ADAMTSL1: variants seen among roughly 807,000 people sequenced by gnomAD.
ADAMTSL1 encodes the protein ADAMTS-like protein 1.
A neutral mutation model predicts 201.8 loss-of-function variants in ADAMTSL1; 126 were observed. The observed-to-expected ratio is 0.62, with a 90% CI of 0.54 to 0.72. The LOEUF is 0.72. Ranked by LOEUF, ADAMTSL1 falls within the 30% of genes least tolerant of loss-of-function variation. The pLI, the probability that ADAMTSL1 is intolerant of heterozygous loss-of-function variation, is 0.00. For missense variants in ADAMTSL1, 2,679 were observed against 2,277.8 expected, an observed-to-expected ratio of 1.18 and a Z score of -3.59; for synonymous variants, 1,121 against 903.4, an observed-to-expected ratio of 1.24 and a Z score of -4.32.
chr9:17,960,660 A>T (rs1413927832), intron 1 of ADAMTSL1, among the ~76,000 whole-genome samples: 3 of 152,198 alleles, frequency 2.0e-5, no homozygotes, highest in Non-Finnish European at 2.9e-5. Flanking sequence ...CTTAATGTCT[A>T]ATAGCCCAGT....
At chr9:18,032,186 A>T (rs1820988076) in intron 1 of ADAMTSL1, among the ~76,000 whole-genome samples, 1 of 152,140 alleles carries the variant, frequency 6.6e-6, no homozygotes, top group Admixed American at 6.5e-5. Context: ...CAGTCTTGCA[A>T]AGGGAGGGAT....
chr9:18,036,756 T>C (rs933616193), intron 1 of ADAMTSL1, among the ~76,000 whole-genome samples: 4 of 152,190 alleles, frequency 2.6e-5, no homozygotes, highest in Admixed American at 1.3e-4. Context: ...TCTCCTGCTT[T>C]CAGTATATAG....
chr9:18,266,148 C>T (rs1209352325), intron 2 of ADAMTSL1, among the ~76,000 whole-genome samples: 1 of 152,246 alleles, frequency 6.6e-6, no homozygotes, highest in Non-Finnish European at 1.5e-5. Flanking sequence ...GCAGGCGCCA[C>T]TGCTGCTCCA....
In ADAMTSL1 at chr9:18,454,755, A is replaced by C. The variant is rs531919819; in HGVS notation, c.208-50074A>C. 2.1e-3 allele frequency among the ~76,000 whole-genome samples: 317 copies of C among 152,278 alleles called. 1 individual carries two copies. Among genetic ancestry groups the C allele is most frequent in the African/African-American group, 7.3e-3 (302 of 41,544 alleles). On this transcript the variant is annotated intron_variant, in intron 2 of 29. Transcript: ENST00000680146. ...TGGAGCCGAGGCTAATGTGAATTTA[A>C]ATTTTTATTGTGTTTTGTAATATAA...
intron 6 of ADAMTSL1, among the ~76,000 whole-genome samples, chr9:18,638,386 T>C (rs1343138109): frequency 2.0e-5 from 3 of 152,118 alleles, no homozygotes; most frequent in Admixed American, 1.3e-4. Context: ...CCAAACGTTC[T>C]TGTCAAGTTT....
intron 2 of ADAMTSL1, among the ~76,000 whole-genome samples, chr9:18,223,979 T>A (rs2132373540): frequency 6.6e-6 from 1 of 152,174 alleles, no homozygotes; most frequent in East Asian, 1.9e-4. Flanking sequence ...AAGCCACAGA[T>A]GTTAGGAATA....
At chr9:17,975,568 A>G (rs1818412513) in intron 1 of ADAMTSL1, among the ~76,000 whole-genome samples, 1 of 151,992 alleles carries the variant, frequency 6.6e-6, no homozygotes, top group African/African-American at 2.4e-5. Context: ...AGGTTTCATC[A>G]TGTGGATTTG....
intron 1 of ADAMTSL1, among the ~76,000 whole-genome samples, chr9:18,092,346 A>G (rs1824060993): frequency 6.6e-6 from 1 of 152,178 alleles, no homozygotes; most frequent in Admixed American, 6.6e-5. Context: ...AGGAAGTGAC[A>G]TTTTTATTGG....
chr9:18,197,024 A>G (rs916732531), intron 2 of ADAMTSL1, among the ~76,000 whole-genome samples: 2 of 152,184 alleles, frequency 1.3e-5, no homozygotes, highest in African/African-American at 2.4e-5. Flanking sequence ...CTTTTAACAC[A>G]TCTGGCAACT....
At chr9:17,925,782 C>G (rs1275438794) in intron 1 of ADAMTSL1, among the ~76,000 whole-genome samples, 2 of 148,960 alleles carry the variant, frequency 1.3e-5, no homozygotes, top group African/African-American at 4.9e-5. Flanking sequence ...GTGCAGCGCA[C>G]CAGCATGGCG....
At chr9:18,514,997 A>G (rs898808527) in intron 2 of ADAMTSL1, among the ~76,000 whole-genome samples, 1 of 152,186 alleles carries the variant, frequency 6.6e-6, no homozygotes, top group Admixed American at 6.5e-5. Context: ...AAATTTTGCC[A>G]AATGATTTTT....
chr9:18,735,748 C>CT lies in ADAMTSL1; in HGVS notation c.2006+14103dup, dbSNP rs71333066. Among the ~76,000 whole-genome samples the CT allele has an allele frequency of 4.1e-3, 436 of 106,666 alleles. 7 individuals are homozygous for CT. The highest frequency in any genetic ancestry group is 0.023 in the East Asian group (95 of 4,116). The allele number at this position is 106,666 out of a possible 152,430, so 70.0% of individuals were successfully genotyped here. On this transcript the variant is annotated intron_variant, in intron 15 of 28. Coordinates refer to ENST00000380548, the MANE Select transcript of ADAMTSL1 (RefSeq NM_001040272.6). The stretch of plus-strand genomic sequence containing the variant: ...GAGAAGTCAGACGGCATTCTTTTTT[C>CT]TTTTTTTTTTTTTTTTTTTTGAGAC...
At chr9:18,606,130 C>T (rs1824996889) in intron 4 of ADAMTSL1, among the ~76,000 whole-genome samples, 1 of 152,110 alleles carries the variant, frequency 6.6e-6, no homozygotes, top group African/African-American at 2.4e-5. Flanking sequence ...TTTCCATTTG[C>T]TCCCTCTCCC....
intron 1 of ADAMTSL1, among the ~76,000 whole-genome samples, chr9:17,933,262 T>G (rs1027317324): frequency 6.6e-6 from 1 of 152,158 alleles, no homozygotes; most frequent in Admixed American, 6.6e-5. Flanking sequence ...ATCACTCCAC[T>G]CTCTGCTTCT....
At chr9:18,005,201 G>T (rs540923275) in intron 1 of ADAMTSL1, among the ~76,000 whole-genome samples, 1 of 152,016 alleles carries the variant, frequency 6.6e-6, no homozygotes, top group Admixed American at 6.6e-5. Flanking sequence ...AAGGAGAGAA[G>T]ATAGTGAGGC....
In ADAMTSL1 at chr9:18,840,579, A is replaced by C. The variant is rs556239227; in HGVS notation, c.4249+10602A>C. ...TTTTTCCAATTCTGTGAAGAAAGTC[A>C]TTGGTAGCTTGATGGGGATGGCATT... On this transcript the variant is annotated intron_variant, in intron 23 of 28. Transcript: ENST00000380548. Among the ~76,000 whole-genome samples, 833 of 152,284 alleles carry C rather than the reference A, an allele frequency of 5.5e-3. 13 individuals carry two copies. Among genetic ancestry groups the C allele is most frequent in the African/African-American group, 0.019 (785 of 41,556 alleles).
chr9:18,369,185 T>C (rs758435679), intron 2 of ADAMTSL1, among the ~76,000 whole-genome samples: 11 of 152,248 alleles, frequency 7.2e-5, no homozygotes, highest in Non-Finnish European at 1.2e-4. Flanking sequence ...TCACTAGATA[T>C]AGCATAGGCT....
chr9:18,759,588 A>G (rs964892842), intron 16 of ADAMTSL1, among the ~76,000 whole-genome samples: 2 of 152,244 alleles, frequency 1.3e-5, no homozygotes, highest in Non-Finnish European at 2.9e-5. Context: ...AGTGTATTTC[A>G]TAAGGAAATG....
chr9:18,072,496 A>G (rs753905028), intron 1 of ADAMTSL1, among the ~76,000 whole-genome samples: 37 of 152,218 alleles, frequency 2.4e-4, no homozygotes, highest in Non-Finnish European at 5.0e-4. Flanking sequence ...ACAGCTTGCT[A>G]GTATACTATG....
Sources: allele counts gnomAD v4.1 joint callset (sites outside exome capture counted in the v4.1 genomes callset), GRCh38; gene constraint gnomAD v4.1.1; transcripts MANE v1.5; gene names NCBI Gene and HGNC (gene_info 2026-07-23, HGNC 2026-07-21).